SLC35F3: variants seen among roughly 807,000 people sequenced by gnomAD.
SLC35F3 encodes the protein solute carrier family 35 member F3.
In SLC35F3, 25 loss-of-function variants were observed where a neutral mutation model predicts 49.9. The ratio of observed to expected loss-of-function variants is 0.50; its 90% confidence interval spans 0.37 to 0.70. The LOEUF (loss-of-function observed/expected upper bound fraction) is 0.70. Among genes scored for constraint, SLC35F3 ranks in the 30% least tolerant of loss-of-function variants. SLC35F3 has a pLI of 0.00. For missense variants in SLC35F3, 525 were observed against 639.8 expected (o/e 0.82, Z 1.94); for synonymous variants, 275 against 265.4 (o/e 1.04, Z -0.35).
intron 3 of SLC35F3, among the ~76,000 whole-genome samples, chr1:234,253,146 T>G (rs1440758685): frequency 6.6e-6 from 1 of 152,060 alleles, no homozygotes; most frequent in Non-Finnish European, 1.5e-5. Context: ...GCCAATATGA[T>G]GAAACCCTGT....
chr1:234,049,095 G>A (rs1162760406), intron 2 of SLC35F3, among the ~76,000 whole-genome samples: 1 of 152,162 alleles, frequency 6.6e-6, no homozygotes, highest in African/African-American at 2.4e-5. Context: ...TAGAGTTGAT[G>A]AGTTGATGCT....
chr1:234,100,642 A>G (rs1247125272), intron 2 of SLC35F3, among the ~76,000 whole-genome samples: 1 of 152,254 alleles, frequency 6.6e-6, no homozygotes, highest in Non-Finnish European at 1.5e-5. Context: ...AAATAAATAG[A>G]TTAAAAGTGT....
chr1:234,039,826 G>T (rs1664194768), intron 2 of SLC35F3, among the ~76,000 whole-genome samples: 1 of 152,192 alleles, frequency 6.6e-6, no homozygotes, highest in South Asian at 2.1e-4. Flanking sequence ...GCAGCATCCA[G>T]GTGGGGGTGC....
At chr1:234,155,795 C>A (rs1417749874) in intron 2 of SLC35F3, among the ~76,000 whole-genome samples, 1 of 139,878 alleles carries the variant, frequency 7.1e-6, no homozygotes. Flanking sequence ...AAAAAAAACC[C>A]CAAAAACAAA....
intron 2 of SLC35F3, among the ~76,000 whole-genome samples, chr1:233,948,065 A>G (rs191816854): frequency 3.9e-4 from 59 of 150,184 alleles, no homozygotes; most frequent in East Asian, 1.2e-3. Context: ...AAACAGGTGG[A>G]AAATTAGGTA....
chr1:234,251,393 G>A (rs1667735738), intron 3 of SLC35F3, among the ~76,000 whole-genome samples: 1 of 151,184 alleles, frequency 6.6e-6, no homozygotes, highest in African/African-American at 2.4e-5. Context: ...CGCCCGATAG[G>A]GTAATGATGG....
chr1:234,100,466 G>C (rs899142602), intron 2 of SLC35F3, among the ~76,000 whole-genome samples: 1 of 152,204 alleles, frequency 6.6e-6, no homozygotes, highest in Non-Finnish European at 1.5e-5. Flanking sequence ...CAAGAAGCTG[G>C]TGTTGCCTTG....
intron 2 of SLC35F3, among the ~76,000 whole-genome samples, chr1:234,035,716 T>A (rs1346873209): frequency 1.2e-4 from 18 of 152,228 alleles, no homozygotes; most frequent in Non-Finnish European, 2.5e-4. Context: ...TTCCACTGAG[T>A]TATAAATTTC....
intron 2 of SLC35F3, among the ~76,000 whole-genome samples, chr1:233,967,430 A>G (rs1662922152): frequency 1.3e-5 from 2 of 152,236 alleles, no homozygotes; most frequent in Admixed American, 1.3e-4. Context: ...AACTATGATG[A>G]ATATAAACAA....
chr1:234,051,528 G>A (rs1381219884), intron 2 of SLC35F3, among the ~76,000 whole-genome samples: 2 of 152,192 alleles, frequency 1.3e-5, no homozygotes, highest in African/African-American at 2.4e-5. Flanking sequence ...ATCAGCATAA[G>A]GAGATTTTGG....
chr1:234,275,613 A>T (rs943620007), intron 3 of SLC35F3, among the ~76,000 whole-genome samples: 1 of 152,088 alleles, frequency 6.6e-6, no homozygotes, highest in African/African-American at 2.4e-5. Context: ...ACACACACAC[A>T]CACACAAACA....
chr1:234,290,752 T>C (rs1668494257), intron 3 of SLC35F3, among the ~76,000 whole-genome samples: 1 of 152,242 alleles, frequency 6.6e-6, no homozygotes. Context: ...AAAGATATTA[T>C]AGAGGTTGAG....
chr1:234,145,445 T>C (rs1484798976), intron 2 of SLC35F3, among the ~76,000 whole-genome samples: 1 of 152,152 alleles, frequency 6.6e-6, no homozygotes, highest in Non-Finnish European at 1.5e-5. Flanking sequence ...CAGTTAGGAA[T>C]CTTTTTTCTC....
At chr1:234,279,040 TC>T (rs1455201171) in intron 3 of SLC35F3, among the ~76,000 whole-genome samples, 1 of 152,166 alleles carries the variant, frequency 6.6e-6, no homozygotes, top group African/African-American at 2.4e-5. Context: ...CCCAAGGTGG[TC>T]CGAGCACAGC....
Position 233,972,071 on chromosome 1 carries a change from A to G in SLC35F3, c.283+66313A>G, listed in dbSNP as rs947995888. Among the ~76,000 whole-genome samples the G allele has an allele frequency of 1.4e-4, 22 of 152,230 alleles. 1 individual carries two copies. The highest frequency in any genetic ancestry group is 2.4e-4 in the Non-Finnish European group (16 of 68,036). On this transcript the variant is annotated intron_variant, in intron 2 of 7. Coordinates refer to ENST00000366618, the MANE Select transcript of SLC35F3 (RefSeq NM_173508.4). Reference sequence around the variant, plus strand: ...CCCTTTCACCCATGGCTCCTCGGGTAACAGTATTTGAAACAATGTACAAAA... The same window carrying G: ...CCCTTTCACCCATGGCTCCTCGGGTGACAGTATTTGAAACAATGTACAAAA...
At position 233,904,872 on chromosome 1, in the gene SLC35F3, C is replaced by A. The variant is rs1661743103; in HGVS notation, c.-206C>A. Reference sequence around the variant, plus strand: ...GCCTGGAGTCACCGGGCTGAACCGCCGCGCCTGCATCGTGCCGCACGCCGC... The same window carrying A: ...GCCTGGAGTCACCGGGCTGAACCGCAGCGCCTGCATCGTGCCGCACGCCGC... On this transcript the variant is annotated 5_prime_UTR_variant, in exon 1 of 8. Coordinates refer to ENST00000366618, the MANE Select transcript of SLC35F3 (RefSeq NM_173508.4). The A allele has an allele frequency of 3.1e-6, 1 of 321,278 alleles. No individual in the cohort carries two copies. The highest frequency in any genetic ancestry group is 5.6e-5 in the East Asian group (1 of 17,936). The allele number at this position is 321,278 out of a possible 1,614,324, so 19.9% of individuals were successfully genotyped here. A position where few individuals can be genotyped will look rare whatever the true frequency, so the allele number is the denominator to read the frequency against.
At chr1:234,305,989 C>T (rs1028991319) in intron 3 of SLC35F3, among the ~76,000 whole-genome samples, 1 of 152,096 alleles carries the variant, frequency 6.6e-6, no homozygotes, top group Non-Finnish European at 1.5e-5. Flanking sequence ...TAGACTGTCC[C>T]GTCAGTAATG....
At position 234,192,150 on chromosome 1, in the gene SLC35F3, TAAAAAA is replaced by T. The variant is rs528814454; in HGVS notation, c.284-39265_284-39260del. Among the ~76,000 whole-genome samples the T allele has an allele frequency of 5.3e-5, 8 of 151,690 alleles. No homozygotes were observed. In the East Asian group the frequency reaches 9.7e-4, roughly 18 times the overall value. On this transcript the variant is annotated intron_variant, in intron 2 of 7. Coordinates refer to ENST00000366618, the MANE Select transcript of SLC35F3 (RefSeq NM_173508.4). Reference sequence around the variant, plus strand: ...ATACCAAAACCAGGAAAGGACATAATAAAAAAAGAAAACTACAAACCAACATCTCTG... The same window carrying T: ...ATACCAAAACCAGGAAAGGACATAATAGAAAACTACAAACCAACATCTCTG...
At position 234,309,237 on chromosome 1, in the gene SLC35F3, G is replaced by A. The variant is rs1356600604; in HGVS notation, c.745G>A (p.Val249Ile). 1 of 1,614,166 alleles carries A rather than the reference G, an allele frequency of 6.2e-7. No homozygotes were observed. The highest frequency in any genetic ancestry group is 8.5e-7 in the Non-Finnish European group (1 of 1,179,992). ...HAIKKINTTD[V>I]SVLFCCNKAF... ...AATAAAGAAAATAAACACTACGGAT[G>A]TCTCCGTGTTGTTCTGCTGCAACAA... is the stretch of plus-strand genomic sequence containing the variant. The change falls in exon 4 of 8, where the codon GTC becomes ATC. Residue 249 changes from valine to isoleucine, a missense_variant. By Grantham distance (29) the Val-to-Ile change is conservative (BLOSUM62 3). This residue lies in a region of SLC35F3 where 216 missense variants were observed against 298.1 expected (regional missense o/e 0.72). Transcript: ENST00000366618.
Sources: allele counts gnomAD v4.1 joint callset (sites outside exome capture counted in the v4.1 genomes callset), GRCh38; gene constraint gnomAD v4.1.1; regional missense constraint gnomAD v4.1.1; transcripts MANE v1.5; gene names NCBI Gene and HGNC (gene_info 2026-07-23, HGNC 2026-07-21).